Variants in WDR27 observed in about 807,000 individuals in gnomAD.
The protein encoded by WDR27 is WD repeat domain 27, also known as WD repeat-containing protein 27.
In WDR27, 100 loss-of-function variants were observed where a neutral mutation model predicts 114.4. That is an observed-to-expected ratio of 0.87 (90% CI 0.74 to 1.03). WDR27 has a LOEUF of 1.03. Among genes scored for constraint, WDR27 ranks in the 50% least tolerant of loss-of-function variants. The pLI is 0.00. For missense variants in WDR27, 1,129 were observed against 1,092.9 expected, an observed-to-expected ratio of 1.03 and a Z score of -0.47; for synonymous variants, 449 against 423.1, an observed-to-expected ratio of 1.06 and a Z score of -0.75.
intron 25 of WDR27, among the ~76,000 whole-genome samples, chr6:169,490,541 C>T (rs1471154222): frequency 1.3e-5 from 2 of 152,196 alleles, no homozygotes; most frequent in Non-Finnish European, 2.9e-5. Flanking sequence ...CACAAACCTG[C>T]CAAGGTCCGA....
chr6:169,622,442 T>A (rs1813605354), intron 21 of WDR27, among the ~76,000 whole-genome samples: 2 of 152,126 alleles, frequency 1.3e-5, no homozygotes, highest in Non-Finnish European at 2.9e-5. Flanking sequence ...TGAGCAGTGG[T>A]ATATTTAACT....
chr6:169,448,906 G>A, the WDR27 span, among the ~76,000 whole-genome samples: 1 of 152,264 alleles, frequency 6.6e-6, no homozygotes, highest in South Asian at 2.1e-4. Flanking sequence ...ACATTATCAC[G>A]GCAAGAGTGC....
rs1303524305 is a variant in WDR27, at chr6:169,688,976, A to G, written c.30T>C (p.Ser10=). ...CTATATCACTTAGACAGCCACCATT[A>G]CTTGAGAAAATGTCTTGGGGATTTT... MENPQDIFS[S]NGGCLSDIVI... Residue 10 remains serine, a synonymous_variant, in exon 2 of 26, where the codon AGT becomes AGC. Coordinates refer to ENST00000448612, the MANE Select transcript of WDR27 (RefSeq NM_182552.5). 1 of 1,613,036 alleles carries G rather than the reference A, an allele frequency of 6.2e-7. No homozygotes were observed. The highest frequency in any genetic ancestry group is 8.5e-7 in the Non-Finnish European group (1 of 1,179,568).
At chr6:169,453,285 A>G (rs1208410205), downstream of WDR27, among the ~76,000 whole-genome samples, 1 of 152,194 alleles carries the variant, frequency 6.6e-6, no homozygotes, top group Non-Finnish European at 1.5e-5. Context: ...ATGTGGAGAC[A>G]ATTAAGTTGA....
chr6:169,582,779 A>G, intron 24 of WDR27, 57 bp downstream of exon 24: 1 of 1,368,974 alleles, frequency 7.3e-7, no homozygotes, highest in Non-Finnish European at 1.0e-6. Context: ...AGATACAAAA[A>G]TATAATGTAA....
chr6:169,494,670 G>A (rs1427504686), intron 25 of WDR27, among the ~76,000 whole-genome samples: 6 of 152,218 alleles, frequency 3.9e-5, no homozygotes, highest in Non-Finnish European at 1.5e-5. Flanking sequence ...ACCCACAAAG[G>A]TTGCAGCCTG....
chr6:169,465,753 C>A (rs1038962494), intron 25 of WDR27, among the ~76,000 whole-genome samples: 2 of 152,058 alleles, frequency 1.3e-5, no homozygotes, highest in Admixed American at 1.3e-4. Context: ...CATAAATGAA[C>A]CTTGAGGACA....
At chr6:169,486,543 G>T (rs763277643) in intron 25 of WDR27, among the ~76,000 whole-genome samples, 2 of 152,120 alleles carry the variant, frequency 1.3e-5, no homozygotes, top group African/African-American at 2.4e-5. Flanking sequence ...CCAGGCTGGA[G>T]TGCAGTGGCG....
rs763360839 is a variant in WDR27, at chr6:169,662,371, C to T, written c.958G>A (p.Val320Ile). Reference sequence around the variant, plus strand: ...GCAAGTCTCAGTACAGGAAATGTTACTTCAACCTGCTCTCCTTTTCCCAGA... The same window carrying T: ...GCAAGTCTCAGTACAGGAAATGTTATTTCAACCTGCTCTCCTTTTCCCAGA... Reference protein sequence around the residue: ...SALGKGEQVEVTFPVLRLAPC... With the variant: ...SALGKGEQVEITFPVLRLAPC... The change falls in exon 9 of 26, where the codon GTA becomes ATA. Residue 320 changes from valine (V) to isoleucine (I), a missense_variant. Val to Ile is a conservative substitution (Grantham distance 29). Transcript: ENST00000448612. The T allele has an allele frequency of 3.8e-5, 62 of 1,613,932 alleles. No individual in the cohort carries two copies. Among genetic ancestry groups the T allele is most frequent in the South Asian group, 6.6e-5 (6 of 91,092 alleles).
intron 21 of WDR27, among the ~76,000 whole-genome samples, chr6:169,629,569 A>G (rs2128211596): frequency 6.6e-6 from 1 of 152,350 alleles, no homozygotes; most frequent in East Asian, 1.9e-4. Flanking sequence ...TATTTTTCTA[A>G]TAATTGACAA....
In WDR27 at chr6:169,457,507, C is replaced by A. The variant is rs1784415325; in HGVS notation, c.*85G>T. On this transcript the variant is annotated 3_prime_UTR_variant, in exon 26 of 26. Transcript: ENST00000448612. ...GAAAAACAGTTGCTGCTTCTGGCCC[C>A]CTGATGGATGAACCACTACTTCTTA... 8.3e-7 allele frequency: 1 copy of A among 1,209,656 alleles called. No individual in the cohort carries two copies. The highest frequency in any genetic ancestry group is 1.1e-6 in the Non-Finnish European group (1 of 875,026). The allele number at this position is 1,209,656 out of a possible 1,614,324, so 74.9% of individuals were successfully genotyped here.
At chr6:169,516,792 C>CAT (rs1232367567) in intron 25 of WDR27, among the ~76,000 whole-genome samples, 1 of 132,232 alleles carries the variant, frequency 7.6e-6, no homozygotes, top group Non-Finnish European at 1.6e-5. Flanking sequence ...TGCTCCAACA[C>CAT]ACACACACAC....
intron 21 of WDR27, among the ~76,000 whole-genome samples, chr6:169,628,093 T>C (rs954650948): frequency 6.6e-6 from 1 of 152,052 alleles, no homozygotes; most frequent in Non-Finnish European, 1.5e-5. Context: ...GGTGGGGCCC[T>C]TGAGAAGTGA....
At chr6:169,461,329 CATGGGACATTTTCCCAAAATAGATCAT>C (rs1246954121) in intron 25 of WDR27, among the ~76,000 whole-genome samples, 78 of 152,222 alleles carry the variant, frequency 5.1e-4, no homozygotes, top group African/African-American at 1.8e-3. Context: ...CTCAAGTGCA[CATGGGACATTTTCCCAAAATAGATCAT>C]ATGTTAAGCC....
At chr6:169,616,096 T>C (rs550445172) in intron 21 of WDR27, among the ~76,000 whole-genome samples, 3 of 151,112 alleles carry the variant, frequency 2.0e-5, no homozygotes, top group African/African-American at 7.3e-5. Flanking sequence ...TTCAAAAAAA[T>C]GATAAAAGAA....
At position 169,661,887 on chromosome 6, in the gene WDR27, G is replaced by A. The variant is rs372071910; in HGVS notation, c.1025+417C>T. 1.6e-4 allele frequency among the ~76,000 whole-genome samples: 25 copies of A among 152,186 alleles called. 1 individual carries two copies. The highest frequency in any genetic ancestry group is 1.2e-3 in the Admixed American group (19 of 15,286). On this transcript the variant is annotated intron_variant, in intron 9 of 25. Coordinates refer to ENST00000448612, the MANE Select transcript of WDR27 (RefSeq NM_182552.5). ...TCACAGTTAAACAGTACTTCCTTAT[G>A]TTGCCAAATATGTAATAATATTTCT...
downstream of WDR27, among the ~76,000 whole-genome samples, chr6:169,454,849 G>A (rs1295800029): frequency 1.3e-5 from 2 of 152,224 alleles, no homozygotes; most frequent in African/African-American, 2.4e-5. Context: ...ATCCATGGCT[G>A]GGCTGCCAGG....
At chr6:169,586,066 C>G (rs1308047049) in intron 23 of WDR27, among the ~76,000 whole-genome samples, 1 of 152,180 alleles carries the variant, frequency 6.6e-6, no homozygotes, top group African/African-American at 2.4e-5. Context: ...TGTTTAATGT[C>G]AATTTGTTTC....
chr6:169,561,913 T>A (rs1799726840), intron 25 of WDR27, among the ~76,000 whole-genome samples: 1 of 152,220 alleles, frequency 6.6e-6, no homozygotes, highest in African/African-American at 2.4e-5. Context: ...CTAGAGTGGC[T>A]ATATTAATAT....
Sources: gnomAD v4.1 joint callset for allele counts (sites outside exome capture counted in the v4.1 genomes callset) on GRCh38, gnomAD v4.1.1 for gene constraint, MANE v1.5 for transcripts, NCBI Gene and HGNC (gene_info 2026-07-23, HGNC 2026-07-21) for gene names.